KRT33B: variants seen among roughly 807,000 people sequenced by gnomAD.
The protein encoded by KRT33B is keratin 33B, also known as keratin, type I cuticular Ha3-II.
In KRT33B, 37 loss-of-function variants were observed where a neutral mutation model predicts 42.7. That is an observed-to-expected ratio of 0.87 (90% CI 0.67 to 1.14). The LOEUF is 1.14. Among genes scored for constraint, KRT33B ranks in the 50% most tolerant of loss-of-function variants. The pLI is 0.00. For missense variants in KRT33B, 523 were observed against 515.1 expected, an observed-to-expected ratio of 1.02 and a Z score of -0.15; for synonymous variants, 237 against 221.2, an observed-to-expected ratio of 1.07 and a Z score of -0.63.
In KRT33B at chr17:41,364,815, T is replaced by C; in HGVS notation, c.1061A>G (p.Asn354Ser). 1 of 1,612,946 alleles carries C rather than the reference T, an allele frequency of 6.2e-7. No homozygotes were observed. The highest frequency in any genetic ancestry group is 8.5e-7 in the Non-Finnish European group (1 of 1,179,974). The change falls in exon 6 of 7, where the codon AAC becomes AGC. Residue 354 changes from asparagine to serine, a missense_variant. Transcript: ENST00000251646. ...DVRARLECEI[N>S]TYRSLLESED... Reference sequence around the variant, plus strand: ...GCTCTCCAGCAGGCTCCGGTATGTGTTGATCTCACACTCCAGCCGCGCCCG... The same window carrying C: ...GCTCTCCAGCAGGCTCCGGTATGTGCTGATCTCACACTCCAGCCGCGCCCG...
At chr17:41,368,429 G>A (rs1328308491) in intron 1 of KRT33B, among the ~76,000 whole-genome samples, 1 of 151,284 alleles carries the variant, frequency 6.6e-6, no homozygotes, top group Non-Finnish European at 1.5e-5. Context: ...GCTTCTTGCT[G>A]TACCCAGAAT....
intron 3 of KRT33B, among the ~76,000 whole-genome samples, chr17:41,365,779 G>A (rs1567671006): frequency 6.6e-6 from 1 of 151,214 alleles, no homozygotes; most frequent in Non-Finnish European, 1.5e-5. Flanking sequence ...CCCAGTCCAA[G>A]ATTCTATCAT....
intron 3 of KRT33B, 105 bp from the exon 4 acceptor site, chr17:41,365,658 A>T (rs1355367852): frequency 1.4e-6 from 2 of 1,429,384 alleles, no homozygotes; most frequent in Non-Finnish European, 1.9e-6. Context: ...CAGCTTAGGA[A>T]ACATGAGTTG....
chr17:41,366,323 A>T, intron 3 of KRT33B, 147 bp downstream of exon 3: 2 of 890,944 alleles, frequency 2.2e-6, no homozygotes, highest in Non-Finnish European at 3.3e-6. Context: ...GCTGTCACTC[A>T]TTCCCCAACA....
chr17:41,368,075 T>C, intron 1 of KRT33B, 85 bp from the exon 2 acceptor site: 1 of 1,303,002 alleles, frequency 7.7e-7, no homozygotes, highest in South Asian at 1.2e-5. Context: ...TTCAGCCACA[T>C]TCCTCCCAAA....
chr17:41,364,171 A>G (rs2017663530), intron 6 of KRT33B, among the ~76,000 whole-genome samples: 1 of 151,262 alleles, frequency 6.6e-6, no homozygotes, highest in African/African-American at 2.5e-5. Context: ...ATGACCCTAG[A>G]CACACAAGAA....
chr17:41,366,464 T>A lies in KRT33B; in HGVS notation c.588+6A>T. 2.5e-6 allele frequency: 4 copies of A among 1,611,918 alleles called. No individual in the cohort carries two copies. The highest frequency in any genetic ancestry group is 4.5e-5 in the East Asian group (2 of 44,866). On this transcript the variant is annotated splice_donor_region_variant and intron_variant, in intron 3 of 6. Coordinates refer to ENST00000251646, the MANE Select transcript of KRT33B (RefSeq NM_002279.5). ...GTATTGGGATATTGGGGGCTGGGAC[T>A]CTTACCTGCTCATGGTTCTGCTTGA... is the stretch of plus-strand genomic sequence containing the variant.
At position 41,365,217 on chromosome 17, in the gene KRT33B, T is replaced by C. The variant is rs537065960; in HGVS notation, c.834A>G (p.Thr278=). 279 of 1,611,574 alleles carry C rather than the reference T, an allele frequency of 1.7e-4. 7 individuals are homozygous for C. Among genetic ancestry groups the C allele is most frequent in the African/African-American group, 9.2e-4 (68 of 74,006 alleles). ...YQAEIIELRR[T]VNALEIELQA... The stretch of plus-strand genomic sequence containing the variant: ...GCAGCTCGATCTCCAGGGCATTGAC[T>C]GTGCGTCTCAGCTCGATGATCTCCG... Residue 278 remains threonine (T), a synonymous_variant, in exon 5 of 7, where the codon ACA becomes ACG. Coordinates refer to ENST00000251646, the MANE Select transcript of KRT33B (RefSeq NM_002279.5).
chr17:41,368,600 C>T (rs573410760), intron 1 of KRT33B, among the ~76,000 whole-genome samples: 1 of 151,364 alleles, frequency 6.6e-6, no homozygotes, highest in South Asian at 2.1e-4. Flanking sequence ...TTATCCCCCA[C>T]CCCAGCACTG....
intron 3 of KRT33B, among the ~76,000 whole-genome samples, chr17:41,365,844 C>A (rs1035638196): frequency 6.6e-6 from 1 of 151,380 alleles, no homozygotes; most frequent in Admixed American, 6.6e-5. Context: ...AATTGGCTTA[C>A]AATTGTTGCT....
In KRT33B at chr17:41,369,445, G is replaced by A. The variant is rs1597692305; in HGVS notation, c.306C>T (p.Ser102=). 5 of 1,613,424 alleles carry A rather than the reference G, an allele frequency of 3.1e-6. No individual in the cohort carries two copies. Among genetic ancestry groups the A allele is most frequent in the South Asian group, 1.1e-5 (1 of 91,086 alleles). The change falls in exon 1 of 7, where the codon AGC becomes AGT. Residue 102 remains serine, a synonymous_variant. Transcript: ENST00000251646. The part of the protein sequence containing the change: ...SQQQEPLLCP[S]YQSYFKTIEE... The stretch of plus-strand genomic sequence containing the variant: ...CAATGGTCTTGAAGTAGGACTGGTA[G>A]CTGGGGCACAGCAAGGGCTCCTGCT...
rs758235238 is a variant in KRT33B, at chr17:41,365,199, G to A, written c.852C>T (p.Ile284=). 3.1e-6 allele frequency: 5 copies of A among 1,611,730 alleles called. No homozygotes were observed. Among genetic ancestry groups the A allele is most frequent in the East Asian group, 4.5e-5 (2 of 44,880 alleles). The part of the protein sequence containing the change: ...ELRRTVNALE[I]ELQAQHNLRY... ...CCAGGTTGTGCTGGGCCTGCAGCTC[G>A]ATCTCCAGGGCATTGACTGTGCGTC... The change falls in exon 5 of 7, where the codon ATC becomes ATT. Residue 284 remains isoleucine, a synonymous_variant. Transcript: ENST00000251646.
Position 41,365,025 on chromosome 17 carries a change from C to G in KRT33B, c.877-26G>C, listed in dbSNP as rs1328522998. The G allele has an allele frequency of 1.2e-5, 20 of 1,612,924 alleles. No homozygotes were observed. In the East Asian group the frequency reaches 4.5e-4, roughly 36 times the overall value. On this transcript the variant is annotated intron_variant, in intron 5 of 6. Coordinates refer to ENST00000251646, the MANE Select transcript of KRT33B (RefSeq NM_002279.5). Reference sequence around the variant, plus strand: ...CTGTGGTGGGAAAGATCAGGAATGTCAGAGAGCTGCTCCTTATAGGGTTCC... The same window carrying G: ...CTGTGGTGGGAAAGATCAGGAATGTGAGAGAGCTGCTCCTTATAGGGTTCC...
rs2144304572 is a variant in KRT33B, at chr17:41,369,650, G to T, written c.101C>A (p.Ala34Asp). ...PSCHGYTLPG[A>D]CNIPANVSNC... ...GCTCACATTGGCAGGGATGTTGCAGGCCCCGGGCAGGGTGTAGCCGTGGCA... is the reference window on the plus strand; with the variant it reads ...GCTCACATTGGCAGGGATGTTGCAGTCCCCGGGCAGGGTGTAGCCGTGGCA... The change falls in exon 1 of 7, where the codon GCC (alanine) becomes GAC (aspartate). Residue 34 changes from alanine to aspartate, a missense_variant. Transcript: ENST00000251646. The T allele has an allele frequency of 6.2e-7, 1 of 1,613,796 alleles. No homozygotes were observed. Among genetic ancestry groups the T allele is most frequent in the Non-Finnish European group, 8.5e-7 (1 of 1,180,026 alleles).
At chr17:41,365,062 C>T (rs530849290) in intron 5 of KRT33B, 63 bp from the exon 6 acceptor site, 52 of 1,607,716 alleles carry the variant, frequency 3.2e-5, no homozygotes, top group Non-Finnish European at 4.2e-5. Context: ...CCATGGGGTT[C>T]GAAAAAACTC....
intron 6 of KRT33B, 100 bp from the exon 7 acceptor site, chr17:41,364,053 G>T: frequency 1.3e-6 from 1 of 798,776 alleles, no homozygotes; most frequent in Non-Finnish European, 2.1e-6. Context: ...CCCGTTCTCT[G>T]ATGTCCTAGG....
Position 41,365,492 on chromosome 17 carries a change from G to A in KRT33B, c.650C>T (p.Pro217Leu). 1 of 1,613,084 alleles carries A rather than the reference G, an allele frequency of 6.2e-7. No individual in the cohort carries two copies. The highest frequency in any genetic ancestry group is 8.5e-7 in the Non-Finnish European group (1 of 1,180,036). Residue 217 changes from proline to leucine, a missense_variant, in exon 4 of 7, where the codon CCC becomes CTC. Physicochemically the swap from Pro to Leu is moderately conservative, Grantham distance 98. Coordinates refer to ENST00000251646, the MANE Select transcript of KRT33B (RefSeq NM_002279.5). ...DRLNVEVDAA[P>L]AVDLNQVLNE... is the part of the protein sequence containing the mutation. ...CAGGACCTGGTTCAGGTCCACAGCG[G>A]GAGCAGCGTCCACCTCCACGTTGAG...
chr17:41,369,303 T>C, intron 1 of KRT33B, 100 bp downstream of exon 1: 2 of 1,448,692 alleles, frequency 1.4e-6, no homozygotes. Flanking sequence ...TTTATCATTC[T>C]CAGCATTACT....
Position 41,364,840 on chromosome 17 carries a change from G to A in KRT33B, c.1036C>T (p.Arg346Trp), listed in dbSNP as rs746705973. 3.1e-5 allele frequency: 50 copies of A among 1,612,432 alleles called. No homozygotes were observed. Among genetic ancestry groups the A allele is most frequent in the South Asian group, 2.9e-4 (26 of 91,058 alleles). The change falls in exon 6 of 7, where the codon CGG becomes TGG. Residue 346 changes from arginine to tryptophan, a missense_variant. By Grantham distance (101) the Arg-to-Trp change is moderately radical. Coordinates refer to ENST00000251646, the MANE Select transcript of KRT33B (RefSeq NM_002279.5). ...TTGATCTCACACTCCAGCCGCGCCC[G>A]CACGTCCAGCAGCACCTGATACTCC... ...NQEYQVLLDV[R>W]ARLECEINTY...
Sources: allele counts gnomAD v4.1 joint callset (sites outside exome capture counted in the v4.1 genomes callset), GRCh38; gene constraint gnomAD v4.1.1; transcripts MANE v1.5; gene names NCBI Gene and HGNC (gene_info 2026-07-23, HGNC 2026-07-21).